FAAH2: variants seen among roughly 807,000 people sequenced by gnomAD.
FAAH2 encodes the protein fatty acid amide hydrolase 2.
Under a neutral mutation model 36.9 loss-of-function variants are expected in FAAH2, and 60 were observed. The ratio of observed to expected loss-of-function variants is 1.63; its 90% CI spans 1.32 to 2.02. The LOEUF (loss-of-function observed/expected upper bound fraction) is 2.02. FAAH2 is among the 30% of genes most tolerant of loss of function. The pLI is 0.00. For missense variants in FAAH2, 689 were observed against 397.5 expected (o/e 1.73, Z -6.23); for synonymous variants, 214 against 143.8 (o/e 1.49, Z -3.49).
rs182639366 is a variant in FAAH2 at position 57,295,914 on chromosome X, C to T, written c.275+3334C>T. 8.9e-3 allele frequency among the ~76,000 whole-genome samples: 1,004 copies of T among 112,280 alleles called. 11 individuals carry two copies. Among genetic ancestry groups the T allele is most frequent in the African/African-American group, 0.031 (957 of 30,947 alleles). ...GGCAGCAGCGAGGCTGGGGGAGGGG[C>T]GCCTTTGCTCAGGCTTGAGTAGGTA... On this transcript the variant is annotated intron_variant, in intron 2 of 10. Transcript: ENST00000374900.
the FAAH2 span, among the ~76,000 whole-genome samples, chrX:57,247,810 C>G: frequency 1.8e-5 from 2 of 112,318 alleles, no homozygotes; most frequent in East Asian, 5.6e-4. Flanking sequence ...AAACTTGTCT[C>G]TAGTTAAGTG....
chrX:57,174,129 G>A, the FAAH2 span, among the ~76,000 whole-genome samples: 11 of 110,917 alleles, frequency 9.9e-5, no homozygotes, highest in South Asian at 3.8e-3. Context: ...TTTTGGAATA[G>A]TTTTACTGGA....
At chrX:57,343,865 T>C in intron 5 of FAAH2, among the ~76,000 whole-genome samples, 1 of 111,755 alleles carries the variant, frequency 8.9e-6, no homozygotes, top group East Asian at 2.8e-4. Flanking sequence ...ATTTATTGAA[T>C]AGGAAGTCCT....
chrX:57,340,393 AT>A lies in FAAH2; in HGVS notation c.623-872del, dbSNP rs749837628. On this transcript the variant is annotated intron_variant, in intron 4 of 10. Coordinates refer to ENST00000374900, the MANE Select transcript of FAAH2 (RefSeq NM_174912.4). ...GACACACCCAGGAAGAATACTTTGCATTTTTTGATTCAATCAAGTTGACGCT... is the reference window on the plus strand; with the variant it reads ...GACACACCCAGGAAGAATACTTTGCATTTTTGATTCAATCAAGTTGACGCT... Among the ~76,000 whole-genome samples the A allele has an allele frequency of 4.5e-5, 5 of 111,849 alleles. No homozygotes were observed. In the South Asian group the frequency reaches 1.9e-3, roughly 42 times the overall value.
chrX:57,349,278 C>CATAT (rs2053927275), intron 5 of FAAH2, among the ~76,000 whole-genome samples: 1 of 92,032 alleles, frequency 1.1e-5, no homozygotes, highest in Non-Finnish European at 2.1e-5. Context: ...TACATATATA[C>CATAT]ATATATACAT....
rs181215806 is a variant in FAAH2 at position 57,393,909 on chromosome X, C to T, written c.996+12880C>T. The T allele has an allele frequency of 5.5e-5, 57 of 1,040,405 alleles. No homozygotes were observed. The East Asian group carries it at 8.5e-4, about 15-fold the overall frequency. The allele number at this position is 1,040,405 out of a possible 1,213,427, so 85.7% of individuals were successfully genotyped here. On this transcript the variant is annotated intron_variant, in intron 7 of 10. Coordinates refer to ENST00000374900, the MANE Select transcript of FAAH2 (RefSeq NM_174912.4). ...AATCTTGCAAATCTGTTTATCTCTT[C>T]ATCTGTCAGTGTGGTAGAGTCAGTC...
At chrX:57,425,812 T>A (rs887477687) in intron 7 of FAAH2, among the ~76,000 whole-genome samples, 8 of 110,722 alleles carry the variant, frequency 7.2e-5, no homozygotes, top group African/African-American at 2.6e-4. Flanking sequence ...TAGATAACAA[T>A]TAAGATTATG....
the FAAH2 span, among the ~76,000 whole-genome samples, chrX:57,207,759 C>T: frequency 8.9e-6 from 1 of 112,633 alleles, no homozygotes; most frequent in Non-Finnish European, 1.9e-5. Flanking sequence ...CCTATCATCC[C>T]TGCTGGCAAG....
intron 10 of FAAH2, chrX:57,452,053 G>C (rs757926895): frequency 2.7e-6 from 1 of 368,960 alleles, no homozygotes; most frequent in Non-Finnish European, 3.5e-6. Context: ...ATTGGGAGAG[G>C]TGATTACCAG....
At chrX:57,134,792 G>A in the FAAH2 span, 1 of 111,735 alleles carries the variant, frequency 8.9e-6, no homozygotes, top group Non-Finnish European at 1.9e-5. Flanking sequence ...CACATGTGGG[G>A]CACCATGTTA....
intron 7 of FAAH2, among the ~76,000 whole-genome samples, chrX:57,400,219 C>G (rs2055397833): frequency 8.9e-6 from 1 of 112,057 alleles, no homozygotes; most frequent in Non-Finnish European, 1.9e-5. Context: ...AATGAGTATG[C>G]CATTCACATC....
the FAAH2 span, among the ~76,000 whole-genome samples, chrX:57,168,178 C>T: frequency 1.8e-5 from 2 of 110,801 alleles, no homozygotes; most frequent in African/African-American, 6.6e-5. Flanking sequence ...TAATTTCTTA[C>T]TTTCTGACAC....
At chrX:57,383,274 G>A (rs757597355) in intron 7 of FAAH2, among the ~76,000 whole-genome samples, 29 of 112,130 alleles carry the variant, frequency 2.6e-4, no homozygotes, top group African/African-American at 7.1e-4. Flanking sequence ...ACAAGACAGC[G>A]ATGCTGTCTC....
intron 7 of FAAH2, among the ~76,000 whole-genome samples, chrX:57,424,587 A>G (rs1014441668): frequency 8.9e-6 from 1 of 112,004 alleles, no homozygotes; most frequent in Non-Finnish European, 1.9e-5. Context: ...CACTGCTACT[A>G]CAACCAGCAT....
the FAAH2 span, among the ~76,000 whole-genome samples, chrX:57,241,716 C>T: frequency 7.8e-4 from 87 of 111,571 alleles, no homozygotes; most frequent in Non-Finnish European, 1.4e-3. Flanking sequence ...CCCTTGTGTC[C>T]ACAAAGCCAA....
At chrX:57,194,471 G>A in the FAAH2 span, among the ~76,000 whole-genome samples, 1 of 109,537 alleles carries the variant, frequency 9.1e-6, no homozygotes, top group African/African-American at 3.3e-5. Context: ...TTGATCTTTT[G>A]CATTAATTTA....
intron 7 of FAAH2, among the ~76,000 whole-genome samples, chrX:57,391,761 G>A (rs139261915): frequency 0.012 from 1,379 of 110,456 alleles, 12 homozygotes; most frequent in African/African-American, 0.043. Flanking sequence ...ATAATGTGGG[G>A]CCTCTTTTTT....
chrX:57,151,919 C>T, the FAAH2 span, among the ~76,000 whole-genome samples: 6 of 111,427 alleles, frequency 5.4e-5, no homozygotes, highest in African/African-American at 1.3e-4. Flanking sequence ...ATGATGCTGA[C>T]GTACAGATGG....
chrX:57,430,265 G>A (rs996629198), intron 7 of FAAH2, among the ~76,000 whole-genome samples: 2 of 111,727 alleles, frequency 1.8e-5, no homozygotes, highest in Non-Finnish European at 3.8e-5. Flanking sequence ...TGTCATTTTA[G>A]GTCTCCTGGC....
Sources: gnomAD v4.1 joint callset for allele counts (sites outside exome capture counted in the v4.1 genomes callset) on GRCh38, gnomAD v4.1.1 for gene constraint, MANE v1.5 for transcripts, NCBI Gene and HGNC (gene_info 2026-07-23, HGNC 2026-07-21) for gene names.